FAM193A: variants seen among roughly 807,000 people sequenced by gnomAD.
The protein encoded by FAM193A is protein FAM193A.
FAM193A carries 22 observed loss-of-function variants against 126.5 expected under a neutral mutation model. The ratio of observed to expected loss-of-function variants is 0.17; its 90% CI spans 0.12 to 0.25. The LOEUF is 0.25. FAM193A is among the 10% of genes least tolerant of loss of function. FAM193A has a pLI of 1.00. For missense variants in FAM193A, 1,675 were observed against 1,672.8 expected (o/e 1.00, Z -0.02); for synonymous variants, 761 against 646.8 (o/e 1.18, Z -2.68).
intron 5 of FAM193A, among the ~76,000 whole-genome samples, chr4:2,631,923 C>T (rs1577103863): frequency 1.3e-5 from 2 of 152,184 alleles, no homozygotes; most frequent in East Asian, 3.8e-4. Flanking sequence ...TACTAATAGT[C>T]TATGGAGTTT....
chr4:2,588,941 C>T (rs772366563), intron 1 of FAM193A, among the ~76,000 whole-genome samples: 10 of 152,162 alleles, frequency 6.6e-5, no homozygotes, highest in Non-Finnish European at 1.0e-4. Context: ...AAGTCTGCTG[C>T]TATTAATAAA....
intron 4 of FAM193A, among the ~76,000 whole-genome samples, chr4:2,629,665 T>C (rs1344687099): frequency 2.8e-4 from 43 of 152,246 alleles, no homozygotes. Flanking sequence ...TAATACATTT[T>C]ACAACTCATT....
chr4:2,705,541 T>C (rs1423811575), intron 19 of FAM193A, among the ~76,000 whole-genome samples: 4 of 152,112 alleles, frequency 2.6e-5, no homozygotes, highest in Non-Finnish European at 5.9e-5. Context: ...CCAATTTCTC[T>C]TTTTCCAAAT....
At chr4:2,603,070 G>C (rs1266904469) in intron 2 of FAM193A, among the ~76,000 whole-genome samples, 4 of 121,840 alleles carry the variant, frequency 3.3e-5, no homozygotes, top group Admixed American at 1.9e-4. Context: ...CTGGGTTCAC[G>C]CCATTCTCCT....
chr4:2,565,649 C>T (rs1342246912), intron 1 of FAM193A, among the ~76,000 whole-genome samples: 1 of 152,060 alleles, frequency 6.6e-6, no homozygotes, highest in African/African-American at 2.4e-5. Flanking sequence ...GGCAGGATTG[C>T]AGAAAGAGTA....
intron 12 of FAM193A, among the ~76,000 whole-genome samples, chr4:2,667,910 C>T (rs1401562809): frequency 6.6e-6 from 1 of 152,062 alleles, no homozygotes; most frequent in Non-Finnish European, 1.5e-5. Context: ...ATATGTATCT[C>T]TTTTTTTCTT....
At chr4:2,634,316 T>C (rs1007249378) in intron 5 of FAM193A, among the ~76,000 whole-genome samples, 1 of 152,172 alleles carries the variant, frequency 6.6e-6, no homozygotes, top group Non-Finnish European at 1.5e-5. Flanking sequence ...TGGTCCAGGA[T>C]TGCTGGTAAA....
chr4:2,637,764 G>A (rs1744232111), intron 5 of FAM193A, among the ~76,000 whole-genome samples: 2 of 152,228 alleles, frequency 1.3e-5, no homozygotes, highest in African/African-American at 2.4e-5. Flanking sequence ...TGTCGATGGG[G>A]CATGGGCAGG....
intron 7 of FAM193A, among the ~76,000 whole-genome samples, chr4:2,650,153 A>G (rs577291548): frequency 2.0e-5 from 3 of 152,280 alleles, no homozygotes; most frequent in Non-Finnish European, 4.4e-5. Flanking sequence ...TGACAGTGTA[A>G]TAATAATAGA....
intron 1 of FAM193A, among the ~76,000 whole-genome samples, chr4:2,552,825 C>G (rs770206814): frequency 6.6e-6 from 1 of 151,426 alleles, no homozygotes; most frequent in South Asian, 2.1e-4. Context: ...GTGTGAGCCA[C>G]CGCGCCCGGC....
At chr4:2,642,517 A>G (rs990270525) in intron 6 of FAM193A, among the ~76,000 whole-genome samples, 2 of 152,074 alleles carry the variant, frequency 1.3e-5, no homozygotes, top group Non-Finnish European at 2.9e-5. Flanking sequence ...GTGAATCTGG[A>G]ATGTGGAGTA....
At chr4:2,710,166 T>G (rs1178015758) in intron 19 of FAM193A, among the ~76,000 whole-genome samples, 17 of 128,280 alleles carry the variant, frequency 1.3e-4, no homozygotes, top group East Asian at 3.9e-4. Flanking sequence ...CTTTTGTTTT[T>G]TTTTTTTTTT....
At chr4:2,650,140 A>C (rs1003178756) in intron 7 of FAM193A, among the ~76,000 whole-genome samples, 3 of 152,180 alleles carry the variant, frequency 2.0e-5, no homozygotes, top group Non-Finnish European at 4.4e-5. Context: ...ATTTCATTCT[A>C]TATGACAGTG....
intron 2 of FAM193A, among the ~76,000 whole-genome samples, chr4:2,619,261 C>G (rs945822546): frequency 2.0e-5 from 3 of 151,740 alleles, no homozygotes; most frequent in Admixed American, 1.3e-4. Flanking sequence ...AGATTCTTGA[C>G]AGTTGTATCA....
At chr4:2,553,458 G>A (rs1053815814) in intron 1 of FAM193A, among the ~76,000 whole-genome samples, 10 of 142,950 alleles carry the variant, frequency 7.0e-5, no homozygotes, top group African/African-American at 1.6e-4. Flanking sequence ...TCGGCTCACC[G>A]CAACCTCTGC....
chr4:2,562,033 T>A (rs966834357), intron 1 of FAM193A, among the ~76,000 whole-genome samples: 2 of 152,242 alleles, frequency 1.3e-5, no homozygotes, highest in African/African-American at 4.8e-5. Context: ...AGGTCATCTG[T>A]ATGTGGTTGT....
chr4:2,578,541 G>GT (rs1222079680), intron 1 of FAM193A, among the ~76,000 whole-genome samples: 1 of 151,986 alleles, frequency 6.6e-6, no homozygotes, highest in African/African-American at 2.4e-5. Flanking sequence ...ACAGTGAGTA[G>GT]TTTTCAGTCA....
At chr4:2,587,726 T>A (rs1740312543) in intron 1 of FAM193A, among the ~76,000 whole-genome samples, 1 of 151,842 alleles carries the variant, frequency 6.6e-6, no homozygotes, top group Non-Finnish European at 1.5e-5. Flanking sequence ...AAAAAAATTT[T>A]GAAAAGAAAG....
At chr4:2,633,847 G>C (rs1425273173) in intron 5 of FAM193A, among the ~76,000 whole-genome samples, 1 of 152,000 alleles carries the variant, frequency 6.6e-6, no homozygotes, top group Non-Finnish European at 1.5e-5. Flanking sequence ...GAGCCGAGAT[G>C]GGGCCGCTGC....
Sources: allele counts gnomAD v4.1 joint callset (sites outside exome capture counted in the v4.1 genomes callset), GRCh38; gene constraint gnomAD v4.1.1; transcripts MANE v1.5; gene names NCBI Gene and HGNC (gene_info 2026-07-23, HGNC 2026-07-21).